The following MXD1 variants were observed in gnomAD, a reference collection of about 807,000 sequenced individuals.
The protein encoded by MXD1 is MAX-binding protein.
MXD1 carries 9 observed loss-of-function variants against 25.7 expected under a neutral mutation model. The ratio of observed to expected loss-of-function variants is 0.35; its 90% CI spans 0.21 to 0.61. The LOEUF (loss-of-function observed/expected upper bound fraction) is 0.61. Among genes scored for constraint, MXD1 ranks in the 20% least tolerant of loss-of-function variants. MXD1 has a pLI of 0.75. For synonymous variants in MXD1, 99 were observed against 113.9 expected (o/e 0.87, Z 0.83); for missense variants, 227 against 292.4 (o/e 0.78, Z 1.63).
chr2:69,933,028 A>T (rs1346487480), intron 3 of MXD1, among the ~76,000 whole-genome samples: 1 of 151,810 alleles, frequency 6.6e-6, no homozygotes, highest in Non-Finnish European at 1.5e-5. Flanking sequence ...GTGAAACCCC[A>T]TCTCTGCTAA....
intron 3 of MXD1, among the ~76,000 whole-genome samples, chr2:69,926,123 T>C (rs1677164823): frequency 6.6e-6 from 1 of 152,162 alleles, no homozygotes; most frequent in South Asian, 2.1e-4. Context: ...TTCCATAATA[T>C]AAAGGACATA....
At chr2:69,937,421 T>C (rs746575860) in intron 5 of MXD1, 27 bp downstream of exon 5, 1 of 1,571,086 alleles carries the variant, frequency 6.4e-7, no homozygotes, top group East Asian at 2.3e-5. Flanking sequence ...CTCCTCCCTG[T>C]CTCCCTTGTG....
At position 69,918,977 on chromosome 2, in the gene MXD1, C is replaced by T. The variant is rs546956758; in HGVS notation, c.173+2757C>T. Among the ~76,000 whole-genome samples, 4 of 152,238 alleles carry T rather than the reference C, an allele frequency of 2.6e-5. No individual in the cohort carries two copies. The South Asian group carries it at 8.3e-4, about 32-fold the overall frequency. On this transcript the variant is annotated intron_variant, in intron 2 of 5. Coordinates refer to ENST00000264444, the MANE Select transcript of MXD1 (RefSeq NM_002357.4). The stretch of plus-strand genomic sequence containing the variant: ...GTAAACTAGATGCACTTCAGTAATG[C>T]TCTAGCCATTAAGTACAAGTCCCCC...
chr2:69,937,261 C>T lies in MXD1; in HGVS notation c.345C>T (p.Ala115=), dbSNP rs142051574. Residue 115 remains alanine, a synonymous_variant, in exon 5 of 6, where the codon GCC becomes GCT. Transcript: ENST00000264444. ...IKKLEDCDRK[A]VHQIDQLQRE... is the part of the protein sequence containing the mutation. The stretch of plus-strand genomic sequence containing the variant: ...AACTTGAAGATTGTGACAGAAAAGC[C>T]GTTCACCAAATCGACCAGCTTCAGC... 1.1e-5 allele frequency: 17 copies of T among 1,613,978 alleles called. No individual in the cohort carries two copies. The highest frequency in any genetic ancestry group is 3.3e-4 in the Middle Eastern group (2 of 6,062).
intron 4 of MXD1, 48 bp downstream of exon 4, chr2:69,935,513 G>A (rs989007826): frequency 7.5e-7 from 1 of 1,331,274 alleles, no homozygotes; most frequent in East Asian, 2.3e-5. Flanking sequence ...GTTCAGTGAG[G>A]GTTTGTCTGT....
intron 3 of MXD1, among the ~76,000 whole-genome samples, chr2:69,928,703 CA>C (rs35921399): frequency 0.36 from 46,606 of 128,014 alleles, 8,470 homozygotes; most frequent in African/African-American, 0.56. Flanking sequence ...CCATCTGTAC[CA>C]AAAAAAAAAA....
chr2:69,919,845 T>C (rs989755889), intron 2 of MXD1, among the ~76,000 whole-genome samples: 3 of 151,898 alleles, frequency 2.0e-5, no homozygotes, highest in Admixed American at 2.0e-4. Flanking sequence ...GTAAAGCTTT[T>C]ATTTCTTTTT....
intron 2 of MXD1, among the ~76,000 whole-genome samples, chr2:69,921,218 A>G (rs1481624843): frequency 6.6e-6 from 1 of 152,224 alleles, no homozygotes; most frequent in Non-Finnish European, 1.5e-5. Context: ...TAACAGTAGC[A>G]TCTTGTACAT....
rs557154250 is a variant in MXD1 at position 69,915,783 on chromosome 2, T to G, written c.74-338T>G. Among the ~76,000 whole-genome samples, 1 of 152,200 alleles carries G rather than the reference T, an allele frequency of 6.6e-6. No homozygotes were observed. The highest frequency in any genetic ancestry group is 1.5e-5 in the Non-Finnish European group (1 of 68,032). ...GGAGCAGCGCCTCCCGGTCCCCGGC[T>G]CACGGTGCTTGCCCCGCACCTTCGC... On this transcript the variant is annotated intron_variant, in intron 1 of 5. Transcript: ENST00000264444. This position sits in a 1 kb window ranked among gnomAD's most constrained non-coding sequence, Gnocchi z 5.8.
At chr2:69,929,806 T>C (rs1677243550) in intron 3 of MXD1, among the ~76,000 whole-genome samples, 1 of 152,260 alleles carries the variant, frequency 6.6e-6, no homozygotes, top group African/African-American at 2.4e-5. Flanking sequence ...CTTTATGTGC[T>C]AAATTCCTAT....
At chr2:69,934,924 A>G (rs190582755) in intron 3 of MXD1, among the ~76,000 whole-genome samples, 1 of 152,336 alleles carries the variant, frequency 6.6e-6, no homozygotes, top group African/African-American at 2.4e-5. Flanking sequence ...ATGCTCCTTG[A>G]CTTATGATGG....
intron 2 of MXD1, among the ~76,000 whole-genome samples, chr2:69,919,484 A>G (rs1677020117): frequency 6.6e-6 from 1 of 152,060 alleles, no homozygotes; most frequent in Admixed American, 6.6e-5. Context: ...AGCTGGGATT[A>G]CAGGCGTATG....
chr2:69,930,153 C>G lies in MXD1; in HGVS notation c.204-5198C>G, dbSNP rs143885143. Among the ~76,000 whole-genome samples, 12 of 152,136 alleles carry G rather than the reference C, an allele frequency of 7.9e-5. No homozygotes were observed. The East Asian group carries it at 2.3e-3, about 29-fold the overall frequency. On this transcript the variant is annotated intron_variant, in intron 3 of 5. Transcript: ENST00000264444. ...AGGAATCTGCTATTTTTTTCATTTA[C>G]TCAATTTTCTTGTGTCTTTCAACAA...
intron 3 of MXD1, among the ~76,000 whole-genome samples, chr2:69,925,782 T>C (rs1267539194): frequency 1.3e-5 from 2 of 152,188 alleles, no homozygotes; most frequent in African/African-American, 4.8e-5. Context: ...TCCAACATCA[T>C]AATTATTTCC....
intron 3 of MXD1, among the ~76,000 whole-genome samples, chr2:69,926,151 C>G (rs1011520420): frequency 1.3e-5 from 2 of 152,080 alleles, no homozygotes; most frequent in Non-Finnish European, 2.9e-5. Context: ...GATATTGACA[C>G]TTTTTCTATC....
At chr2:69,919,825 G>T (rs897038945) in intron 2 of MXD1, among the ~76,000 whole-genome samples, 1 of 152,102 alleles carries the variant, frequency 6.6e-6, no homozygotes. Flanking sequence ...GGATAACCAA[G>T]TGAATCAGTG....
rs749882250 is a variant in MXD1 at position 69,938,110 on chromosome 2, T to C, written c.492T>C (p.Val164=). The part of the protein sequence containing the change: ...RSDSDREEID[V]DVESTDYLTG... ...TCCTCCCTGCAGAAGAAATCGACGT[T>C]GACGTGGAGAGCACGGACTATCTCA... is the stretch of plus-strand genomic sequence containing the variant. The change falls in exon 6 of 6, where the codon GTT becomes GTC. Residue 164 remains valine (V), a synonymous_variant. Coordinates refer to ENST00000264444, the MANE Select transcript of MXD1 (RefSeq NM_002357.4). 1 of 1,614,012 alleles carries C rather than the reference T, an allele frequency of 6.2e-7. No homozygotes were observed. Among genetic ancestry groups the C allele is most frequent in the Non-Finnish European group, 8.5e-7 (1 of 1,179,926 alleles).
At position 69,937,299 on chromosome 2, in the gene MXD1, A is replaced by C. The variant is rs1573411043; in HGVS notation, c.383A>C (p.His128Pro). 6.2e-7 allele frequency: 1 copy of C among 1,614,176 alleles called. No individual in the cohort carries two copies. The highest frequency in any genetic ancestry group is 8.5e-7 in the Non-Finnish European group (1 of 1,180,030). ...GACCAGCTTCAGCGAGAGCAGCGAC[A>C]CCTGAAGAGGCAGCTGGAGAAGCTG... is the stretch of plus-strand genomic sequence containing the variant. ...QIDQLQREQR[H>P]LKRQLEKLGI... The change falls in exon 5 of 6, where the codon CAC becomes CCC. Residue 128 changes from histidine (H) to proline (P), a missense_variant. Transcript: ENST00000264444.
intron 3 of MXD1, among the ~76,000 whole-genome samples, chr2:69,924,229 A>C (rs1460724976): frequency 6.6e-6 from 1 of 152,234 alleles, no homozygotes; most frequent in Non-Finnish European, 1.5e-5. Context: ...GATGTGCACA[A>C]GAAGCTAGAG....
Sources: gnomAD v4.1 joint callset for allele counts (sites outside exome capture counted in the v4.1 genomes callset) on GRCh38, gnomAD v4.1.1 for gene constraint, Gnocchi (gnomAD v3.1) non-coding constraint, MANE v1.5 for transcripts, NCBI Gene and HGNC (gene_info 2026-07-23, HGNC 2026-07-21) for gene names.